Variants in OTUD7A observed in about 807,000 individuals in gnomAD.
The protein encoded by OTUD7A is OTU deubiquitinase 7A.
In OTUD7A, 12 loss-of-function variants were observed where a neutral mutation model predicts 65.7. The observed-to-expected ratio is 0.18, with a 90% CI of 0.12 to 0.30. The LOEUF is 0.30. Among genes scored for constraint, OTUD7A ranks in the 10% least tolerant of loss-of-function variants. OTUD7A has a pLI of 1.00. For synonymous variants in OTUD7A, 641 were observed against 586.3 expected (o/e 1.09, Z -1.35); for missense variants, 1,148 against 1,304.8 (o/e 0.88, Z 1.85).
At chr15:31,808,814 G>C (rs1264176758) in intron 1 of OTUD7A, among the ~76,000 whole-genome samples, 1 of 152,222 alleles carries the variant, frequency 6.6e-6, no homozygotes, top group East Asian at 1.9e-4. Context: ...TCATTTAGCA[G>C]ACAAGCCTGG....
intron 1 of OTUD7A, among the ~76,000 whole-genome samples, chr15:31,745,136 G>T (rs1300848903): frequency 1.3e-5 from 2 of 152,028 alleles, no homozygotes; most frequent in Admixed American, 1.3e-4. Context: ...TTAATCTACA[G>T]ATTCAAGACA....
chr15:31,681,123 T>C (rs1457552125), intron 1 of OTUD7A, among the ~76,000 whole-genome samples: 3 of 151,386 alleles, frequency 2.0e-5, no homozygotes, highest in Admixed American at 6.6e-5. Flanking sequence ...TTTTGATATA[T>C]ATTTTTTCCT....
Position 31,487,071 on chromosome 15 carries a change from G to A in OTUD7A, c.1371+123C>T, listed in dbSNP as rs1005762596. ...CTACTGGGCTGTGGGTATGGCTGGG[G>A]TGGGCGGCCGGGCAGGGGCAGGCAA... On this transcript the variant is annotated intron_variant, in intron 12 of 12. Coordinates refer to ENST00000307050, the MANE Select transcript of OTUD7A (RefSeq NM_001382637.1). The surrounding 1 kb of genome is among the most constrained non-coding windows in gnomAD (Gnocchi z 6.0). 8.7e-6 allele frequency: 8 copies of A among 924,712 alleles called. No homozygotes were observed. The highest frequency in any genetic ancestry group is 6.6e-5 in the African/African-American group (4 of 60,544). The allele number at this position is 924,712 out of a possible 1,614,324, so 57.3% of individuals were successfully genotyped here. A position where few individuals can be genotyped will look rare whatever the true frequency, so the allele number is the denominator to read the frequency against.
chr15:31,752,209 T>C (rs1204182411), intron 1 of OTUD7A, among the ~76,000 whole-genome samples: 1 of 152,188 alleles, frequency 6.6e-6, no homozygotes, highest in East Asian at 1.9e-4. Flanking sequence ...ATGATTCCAT[T>C]TATGTAAAGT....
intron 3 of OTUD7A, among the ~76,000 whole-genome samples, chr15:31,642,592 T>A (rs879117969): frequency 6.6e-6 from 1 of 152,122 alleles, no homozygotes; most frequent in East Asian, 1.9e-4. Flanking sequence ...AAATCATTTT[T>A]TTTTTTTCTT....
chr15:31,656,084 C>T (rs143574661), intron 2 of OTUD7A, among the ~76,000 whole-genome samples: 4,637 of 152,302 alleles, frequency 0.03, 227 homozygotes, highest in African/African-American at 0.11. Flanking sequence ...CCTCTAAGAG[C>T]TGCCATCAAT....
intron 1 of OTUD7A, among the ~76,000 whole-genome samples, chr15:31,822,610 C>G (rs902505608): frequency 2.6e-5 from 4 of 152,174 alleles, no homozygotes; most frequent in Admixed American, 6.5e-5. Flanking sequence ...ACCAGACAAG[C>G]TTCTCTTCAC....
Position 31,483,850 on chromosome 15 carries a change from G to T in OTUD7A, c.2246C>A (p.Thr749Lys). Residue 749 changes from threonine to lysine, a missense_variant, in exon 13 of 13, where the codon ACG becomes AAG. Physicochemically the swap from Thr to Lys is moderately conservative, Grantham distance 78. Transcript: ENST00000307050. ...GRAARAAAGG[T>K]ASPGGGARRA... ...CCGCGCGCCTCCCCCCGGGGAGGCC[G>T]TGCCGCCCGCCGCCGCCCGCGCCGC... is the stretch of plus-strand genomic sequence containing the variant. 1.0e-6 allele frequency: 1 copy of T among 981,862 alleles called. No individual in the cohort carries two copies. Among genetic ancestry groups the T allele is most frequent in the South Asian group, 4.6e-5 (1 of 21,966 alleles). The allele number at this position is 981,862 out of a possible 1,614,324, so 60.8% of individuals were successfully genotyped here.
chr15:31,685,482 GAA>G (rs565412347), intron 1 of OTUD7A, among the ~76,000 whole-genome samples: 16 of 140,404 alleles, frequency 1.1e-4, no homozygotes, highest in African/African-American at 3.6e-4. Context: ...TGTCTCTACT[GAA>G]AAAAAAAAAA....
intron 5 of OTUD7A, chr15:31,558,331 T>C (rs992889319): frequency 5.9e-5 from 9 of 152,708 alleles, no homozygotes; most frequent in African/African-American, 1.7e-4. Flanking sequence ...AGAGTTTGTC[T>C]TGCTTCTTGA....
intron 3 of OTUD7A, among the ~76,000 whole-genome samples, chr15:31,597,082 A>G (rs1035606889): frequency 6.9e-6 from 1 of 145,640 alleles, no homozygotes; most frequent in Non-Finnish European, 1.5e-5. Context: ...ATGCTATCAT[A>G]CCTGGCTAGT....
At chr15:31,581,771 G>A (rs1018270286) in intron 3 of OTUD7A, among the ~76,000 whole-genome samples, 1 of 152,254 alleles carries the variant, frequency 6.6e-6, no homozygotes, top group South Asian at 2.1e-4. Context: ...TGTGATGGGA[G>A]AGGCTGCTGT....
intron 1 of OTUD7A, among the ~76,000 whole-genome samples, chr15:31,831,756 T>C (rs1342086280): frequency 6.6e-6 from 1 of 152,188 alleles, no homozygotes; most frequent in Non-Finnish European, 1.5e-5. Flanking sequence ...CACAGGAAAG[T>C]AGCCAAGCAA....
At chr15:31,788,731 G>A (rs376993090) in intron 1 of OTUD7A, among the ~76,000 whole-genome samples, 23 of 152,268 alleles carry the variant, frequency 1.5e-4, no homozygotes, top group Admixed American at 5.2e-4. Context: ...GTGAATGGAG[G>A]AGAGAAAAGG....
chr15:31,849,035 G>A lies in OTUD7A; in HGVS notation c.-100+21472C>T, dbSNP rs1897356575. 2.6e-5 allele frequency among the ~76,000 whole-genome samples: 4 copies of A among 152,296 alleles called. No individual in the cohort carries two copies. In the South Asian group the frequency reaches 8.3e-4, roughly 32 times the overall value. ...GTTGAAATTAAGAATGCTGAATATT[G>A]GCCCCCACTCTCTTCTGGCTTGTAG... On this transcript the variant is annotated intron_variant, in intron 1 of 12. Transcript: ENST00000307050.
intron 1 of OTUD7A, among the ~76,000 whole-genome samples, chr15:31,828,053 A>C (rs17684685): frequency 0.1 from 15,203 of 151,966 alleles, 1,201 homozygotes; most frequent in East Asian, 0.45. Flanking sequence ...TTCCTGGTTA[A>C]TCTCTGTGAT....
intron 1 of OTUD7A, chr15:31,766,453 G>C: frequency 6.3e-7 from 1 of 1,584,614 alleles, no homozygotes; most frequent in South Asian, 1.1e-5. Context: ...GAAGCTGGAA[G>C]TAAAGAGTCT....
intron 1 of OTUD7A, among the ~76,000 whole-genome samples, chr15:31,710,853 C>T (rs1296777630): frequency 2.0e-5 from 3 of 152,104 alleles, no homozygotes; most frequent in East Asian, 3.9e-4. Context: ...GCATCTGGGG[C>T]CCCCAGGCCA....
At chr15:31,700,969 G>A (rs796663921) in intron 1 of OTUD7A, among the ~76,000 whole-genome samples, 18 of 152,036 alleles carry the variant, frequency 1.2e-4, no homozygotes, top group Non-Finnish European at 2.4e-4. Flanking sequence ...CACATCAGCC[G>A]TCTCCTTCCC....
Sources: gnomAD v4.1 joint callset for allele counts (sites outside exome capture counted in the v4.1 genomes callset) on GRCh38, gnomAD v4.1.1 for gene constraint, Gnocchi (gnomAD v3.1) non-coding constraint, MANE v1.5 for transcripts, NCBI Gene and HGNC (gene_info 2026-07-23, HGNC 2026-07-21) for gene names.